TUSC3: variants seen among roughly 807,000 people sequenced by gnomAD.
TUSC3 encodes tumor suppressor candidate 3.
TUSC3 carries 45 observed loss-of-function variants against 44.8 expected under a neutral mutation model. The ratio of observed to expected loss-of-function variants is 1.00; its 90% CI spans 0.79 to 1.29. TUSC3 has a LOEUF of 1.29. TUSC3 is among the 50% of genes most tolerant of loss of function. The pLI, the probability that TUSC3 is intolerant of heterozygous loss-of-function variation, is 0.00. For synonymous variants in TUSC3, 212 were observed against 152.9 expected (o/e 1.39, Z -2.85); for missense variants, 519 against 437.9 (o/e 1.19, Z -1.65).
intron 6 of TUSC3, among the ~76,000 whole-genome samples, chr8:15,730,364 A>G (rs1207300545): frequency 3.3e-5 from 5 of 152,130 alleles, no homozygotes; most frequent in East Asian, 1.9e-4. Context: ...TACTTTTGCA[A>G]TACCTCTACA....
At chr8:15,747,963 A>G (rs1811491471) in intron 8 of TUSC3, among the ~76,000 whole-genome samples, 1 of 152,132 alleles carries the variant, frequency 6.6e-6, no homozygotes, top group African/African-American at 2.4e-5. Flanking sequence ...CATTCTAACA[A>G]TGCAAATGTT....
intron 1 of TUSC3, among the ~76,000 whole-genome samples, chr8:15,481,640 A>T (rs1800662614): frequency 6.6e-6 from 1 of 152,220 alleles, no homozygotes; most frequent in Non-Finnish European, 1.5e-5. Context: ...CCAGTGCATA[A>T]AAAAGTTAAG....
intron 1 of TUSC3, among the ~76,000 whole-genome samples, chr8:15,619,278 A>G (rs948154978): frequency 6.6e-6 from 1 of 152,134 alleles, no homozygotes; most frequent in Non-Finnish European, 1.5e-5. Flanking sequence ...TAAATAATTG[A>G]TATTTTTCAT....
intron 1 of TUSC3, among the ~76,000 whole-genome samples, chr8:15,544,478 T>C (rs557717246): frequency 6.6e-6 from 1 of 151,794 alleles, no homozygotes; most frequent in African/African-American, 2.4e-5. Context: ...GAATATGCAA[T>C]ATGAAAAATT....
chr8:15,711,844 A>G (rs993089373), intron 6 of TUSC3, among the ~76,000 whole-genome samples: 17 of 152,020 alleles, frequency 1.1e-4, no homozygotes, highest in Admixed American at 3.3e-4. Context: ...GTTTCAGAGT[A>G]TATTTTAAAA....
At chr8:15,850,478 C>T in the TUSC3 span, among the ~76,000 whole-genome samples, 1 of 152,152 alleles carries the variant, frequency 6.6e-6, no homozygotes, top group Non-Finnish European at 1.5e-5. Flanking sequence ...CTATCTTCCT[C>T]CTAACACATT....
rs1213335446 is a variant in TUSC3, at chr8:15,554,840, C to T, written c.138+14272C>T. ...CAGGATGGTGTCGATCTCCTGACCT[C>T]GTGATCCACCTGCCTCAACCTCCCA... On this transcript the variant is annotated intron_variant, in intron 1 of 10. Coordinates refer to ENST00000503731, the MANE Select transcript of TUSC3 (RefSeq NM_006765.4). Among the ~76,000 whole-genome samples, 5 of 150,800 alleles carry T rather than the reference C, an allele frequency of 3.3e-5. No individual in the cohort carries two copies. In the East Asian group the frequency reaches 5.9e-4, roughly 18 times the overall value.
At chr8:15,720,201 T>TACACAC (rs60082069) in intron 6 of TUSC3, among the ~76,000 whole-genome samples, 1,675 of 141,630 alleles carry the variant, frequency 0.012, 8 homozygotes, top group South Asian at 0.026. Flanking sequence ...TATATATATA[T>TACACAC]ACACACACAC....
chr8:15,497,214 T>G (rs1585066087), intron 2 of TUSC3, among the ~76,000 whole-genome samples: 1 of 152,296 alleles, frequency 6.6e-6, no homozygotes, highest in East Asian at 1.9e-4. Context: ...ACTTGGTAGA[T>G]AAATGAACCA....
intron 1 of TUSC3, among the ~76,000 whole-genome samples, chr8:15,568,798 T>TAC (rs1217470708): frequency 6.6e-6 from 1 of 152,122 alleles, no homozygotes; most frequent in Non-Finnish European, 1.5e-5. Context: ...TAAATTCTTA[T>TAC]TGGTATATTT....
intron 1 of TUSC3, among the ~76,000 whole-genome samples, chr8:15,582,602 T>C (rs947882957): frequency 3.3e-5 from 5 of 152,138 alleles, no homozygotes; most frequent in African/African-American, 1.2e-4. Context: ...ACAAATTGGG[T>C]CAATCTTGGC....
In TUSC3 at chr8:15,540,392, C is replaced by A. The variant is rs971267940; in HGVS notation, c.-39C>A. The A allele has an allele frequency of 6.6e-7, 1 of 1,520,372 alleles. No individual in the cohort carries two copies. Among genetic ancestry groups the A allele is most frequent in the South Asian group, 1.2e-5 (1 of 81,804 alleles). 94.2% of individuals were successfully genotyped at this position (1,520,372 alleles called of 1,614,324 possible). A position where few individuals can be genotyped will look rare whatever the true frequency, so the allele number is the denominator to read the frequency against. ...TGGTGCGCGGTAGGAGCTGGGCGCG[C>A]ACGGCTACCGCGCGTGGAGGAGACA... is the stretch of plus-strand genomic sequence containing the variant. On this transcript the variant is annotated 5_prime_UTR_variant, in exon 1 of 11. Transcript: ENST00000503731.
the TUSC3 span, chr8:15,807,326 C>A: frequency 2.3e-6 from 1 of 434,634 alleles, no homozygotes; most frequent in Non-Finnish European, 4.2e-6. Flanking sequence ...CAAAAATCAT[C>A]AACAAAACCA....
chr8:15,733,563 A>T (rs1241270555), intron 7 of TUSC3: 1 of 234,250 alleles, frequency 4.3e-6, no homozygotes, highest in Non-Finnish European at 8.7e-6. Flanking sequence ...TAGGATTCAA[A>T]TAAATTTCAC....
At chr8:15,612,633 T>A (rs1804813421) in intron 1 of TUSC3, among the ~76,000 whole-genome samples, 2 of 152,102 alleles carry the variant, frequency 1.3e-5, no homozygotes, top group Non-Finnish European at 2.9e-5. Flanking sequence ...AAGGAAAAAA[T>A]ATAAGAAAGA....
intron 1 of TUSC3, among the ~76,000 whole-genome samples, chr8:15,478,871 T>C (rs1223232593): frequency 1.3e-5 from 2 of 152,204 alleles, no homozygotes; most frequent in Non-Finnish European, 2.9e-5. Context: ...TCTTCCACAG[T>C]GGTAGAACTA....
intron 1 of TUSC3, among the ~76,000 whole-genome samples, chr8:15,620,314 G>C (rs1228965078): frequency 6.6e-6 from 1 of 152,156 alleles, no homozygotes; most frequent in Non-Finnish European, 1.5e-5. Flanking sequence ...CAAGATTGAT[G>C]CAAAATGATG....
intron 10 of TUSC3, among the ~76,000 whole-genome samples, chr8:15,758,515 G>A (rs534717921): frequency 2.0e-3 from 305 of 152,010 alleles, no homozygotes; most frequent in African/African-American, 6.8e-3. Context: ...AGAACACAGG[G>A]TCTAGGCTAA....
In TUSC3 at chr8:15,428,347, A is replaced by G. The variant is rs1367525763; in HGVS notation, n.91+11042A>G. On this transcript the variant is annotated intron_variant and non_coding_transcript_variant, in intron 1 of 5. Transcript: ENST00000503191. ...GTATTCCATGGTGCATATGTGCCACATTTTCTTAATCCAGTCTATCATTGT... is the reference window on the plus strand; with the variant it reads ...GTATTCCATGGTGCATATGTGCCACGTTTTCTTAATCCAGTCTATCATTGT... 7.9e-5 allele frequency among the ~76,000 whole-genome samples: 12 copies of G among 151,578 alleles called. No homozygotes were observed. The East Asian group carries it at 9.7e-4, about 12-fold the overall frequency.
Sources: allele counts gnomAD v4.1 joint callset (sites outside exome capture counted in the v4.1 genomes callset), GRCh38; gene constraint gnomAD v4.1.1; transcripts MANE v1.5; gene names NCBI Gene and HGNC (gene_info 2026-07-23, HGNC 2026-07-21).